KAZN: variants seen among roughly 807,000 people sequenced by gnomAD.
The protein encoded by KAZN is kazrin.
KAZN carries 40 observed loss-of-function variants against 87.4 expected under a neutral mutation model. That is an observed-to-expected ratio of 0.46 (90% CI 0.36 to 0.60). The LOEUF is 0.60. KAZN is among the 20% of genes least tolerant of loss of function. KAZN has a pLI of 0.00. For missense variants in KAZN, 898 were observed against 1,073.9 expected (o/e 0.84, Z 2.29); for synonymous variants, 466 against 458.3 (o/e 1.02, Z -0.22).
intron 1 of KAZN, among the ~76,000 whole-genome samples, chr1:14,630,456 A>G (rs1188706707): frequency 6.6e-6 from 1 of 152,144 alleles, no homozygotes; most frequent in Non-Finnish European, 1.5e-5. Flanking sequence ...GGAGGCCAAA[A>G]CGGGAGGATC....
chr1:14,544,404 A>T (rs1241607142), intron 2 of KAZN, among the ~76,000 whole-genome samples: 1 of 143,776 alleles, frequency 7.0e-6, no homozygotes, highest in Admixed American at 7.3e-5. Flanking sequence ...AATGTGAAAA[A>T]GTGGGCTCCT....
intron 2 of KAZN, among the ~76,000 whole-genome samples, chr1:14,480,305 C>A (rs1240107491): frequency 1.3e-5 from 2 of 152,162 alleles, no homozygotes; most frequent in African/African-American, 4.8e-5. Flanking sequence ...CAGCCAACAA[C>A]AACAAACATT....
intron 2 of KAZN, among the ~76,000 whole-genome samples, chr1:14,368,150 A>G (rs1279952780): frequency 6.6e-6 from 1 of 152,072 alleles, no homozygotes; most frequent in African/African-American, 2.4e-5. Context: ...GGGGCATTCA[A>G]TGTGTTTGTT....
intron 1 of KAZN, among the ~76,000 whole-genome samples, chr1:13,955,605 C>T (rs992676607): frequency 4.6e-5 from 7 of 152,120 alleles, no homozygotes; most frequent in Non-Finnish European, 8.8e-5. Flanking sequence ...CAAAGATGTT[C>T]TCCACCTCAG....
intron 1 of KAZN, among the ~76,000 whole-genome samples, chr1:14,851,746 A>G (rs1649469036): frequency 6.6e-6 from 1 of 152,228 alleles, no homozygotes; most frequent in Non-Finnish European, 1.5e-5. Flanking sequence ...GTGCCTGTGC[A>G]GCAGGCAGAA....
In KAZN at chr1:14,386,711, G is replaced by C. The variant is rs541448364; in HGVS notation, c.249+206119G>C. ...GTTAGTCTGATGGGCTTCCCTTTGAGGGTAACATGACCTTTCTCTCTGGCT... is the reference window on the plus strand; with the variant it reads ...GTTAGTCTGATGGGCTTCCCTTTGACGGTAACATGACCTTTCTCTCTGGCT... On this transcript the variant is annotated intron_variant, in intron 2 of 16. Transcript: ENST00000636203. Among the ~76,000 whole-genome samples, 165 of 152,172 alleles carry C rather than the reference G, an allele frequency of 1.1e-3. 2 individuals carry two copies. Among genetic ancestry groups the C allele is most frequent in the African/African-American group, 3.7e-3 (153 of 41,516 alleles).
At chr1:14,180,847 C>T (rs536352298) in intron 2 of KAZN, among the ~76,000 whole-genome samples, 51 of 152,286 alleles carry the variant, frequency 3.3e-4, no homozygotes, top group African/African-American at 1.0e-3. Flanking sequence ...TAACAGATCT[C>T]CCATTAGCCT....
chr1:13,899,271 T>C (rs12143072), intron 1 of KAZN, among the ~76,000 whole-genome samples: 4,108 of 152,360 alleles, frequency 0.027, 104 homozygotes, highest in Non-Finnish European at 0.043. Context: ...TTGTTTCACC[T>C]TGTTGCATCC....
At chr1:14,621,025 C>G (rs1307655421) in intron 1 of KAZN, among the ~76,000 whole-genome samples, 1 of 152,122 alleles carries the variant, frequency 6.6e-6, no homozygotes, top group Non-Finnish European at 1.5e-5. Context: ...TGCTGGCTGG[C>G]CACAGAGCAG....
intron 1 of KAZN, among the ~76,000 whole-genome samples, chr1:14,167,518 T>G (rs530651989): frequency 6.6e-6 from 1 of 151,956 alleles, no homozygotes; most frequent in East Asian, 1.9e-4. Context: ...AGGTCAGGAG[T>G]TCGAGACCAG....
chr1:15,066,476 T>C lies in KAZN; in HGVS notation c.1222+723T>C. 1.0e-6 allele frequency: 1 copy of C among 985,446 alleles called. No homozygotes were observed. The highest frequency in any genetic ancestry group is 1.2e-6 in the Non-Finnish European group (1 of 829,938). 61.0% of individuals were successfully genotyped at this position (985,446 alleles called of 1,614,324 possible). ...TCGCGAGCCGGGCCAAGGGGCCTTG[T>C]CTTGGCTGGGTTTGTCAGAGGTCAA... On this transcript the variant is annotated intron_variant, in intron 8 of 14. Transcript: ENST00000376030. This position sits in a 1 kb window ranked among gnomAD's most constrained non-coding sequence, Gnocchi z 4.3.
chr1:14,258,373 G>A (rs972201294), intron 2 of KAZN, among the ~76,000 whole-genome samples: 5 of 148,284 alleles, frequency 3.4e-5, no homozygotes, highest in South Asian at 2.2e-4. Context: ...CCGCCACCAC[G>A]CCTGGCTAAA....
intron 2 of KAZN, among the ~76,000 whole-genome samples, chr1:14,551,117 G>T (rs547343846): frequency 6.6e-6 from 1 of 152,044 alleles, no homozygotes; most frequent in Non-Finnish European, 1.5e-5. Flanking sequence ...ATACGCAAAC[G>T]TGAGGCCCCA....
At chr1:13,953,391 A>G (rs1641426499) in intron 1 of KAZN, among the ~76,000 whole-genome samples, 1 of 152,186 alleles carries the variant, frequency 6.6e-6, no homozygotes, top group South Asian at 2.1e-4. Context: ...GATCATTATG[A>G]AGGACCTCAG....
chr1:14,455,656 G>A (rs767877844), intron 2 of KAZN, among the ~76,000 whole-genome samples: 3 of 152,182 alleles, frequency 2.0e-5, no homozygotes, highest in Non-Finnish European at 2.9e-5. Flanking sequence ...GAGACACTGA[G>A]GTGACAGCCT....
At chr1:14,489,956 C>T (rs66937192) in intron 2 of KAZN, among the ~76,000 whole-genome samples, 69,419 of 151,780 alleles carry the variant, frequency 0.46, 16,391 homozygotes, top group East Asian at 0.76. Context: ...AAATGGAATT[C>T]CTTTGTCAAA....
At chr1:13,899,500 T>C (rs957840121) in intron 1 of KAZN, among the ~76,000 whole-genome samples, 2 of 152,196 alleles carry the variant, frequency 1.3e-5, no homozygotes, top group African/African-American at 4.8e-5. Flanking sequence ...AATGACTGTT[T>C]GTTGAATGAA....
chr1:14,252,871 T>A (rs1317681829), intron 2 of KAZN, among the ~76,000 whole-genome samples: 1 of 152,104 alleles, frequency 6.6e-6, no homozygotes, highest in Non-Finnish European at 1.5e-5. Context: ...ACATCAGGGT[T>A]CCAGGCCCCT....
At chr1:15,012,057 G>A (rs1464718588) in intron 2 of KAZN, among the ~76,000 whole-genome samples, 1 of 152,154 alleles carries the variant, frequency 6.6e-6, no homozygotes, top group East Asian at 1.9e-4. Flanking sequence ...AACACCATGG[G>A]CACTCTTGCA....
Sources: allele counts gnomAD v4.1 joint callset (sites outside exome capture counted in the v4.1 genomes callset), GRCh38; gene constraint gnomAD v4.1.1; non-coding constraint Gnocchi (gnomAD v3.1); transcripts MANE v1.5; gene names NCBI Gene and HGNC (gene_info 2026-07-23, HGNC 2026-07-21).